Variants in USP31 observed in about 807,000 individuals in gnomAD.
USP31 encodes ubiquitin carboxyl-terminal hydrolase 31.
Under a neutral mutation model 119.4 loss-of-function variants are expected in USP31, and 44 were observed. The observed-to-expected ratio is 0.37, with a 90% CI of 0.29 to 0.47. The LOEUF is 0.47. Among genes scored for constraint, USP31 ranks in the 20% least tolerant of loss-of-function variants. The pLI is 0.99. For missense variants in USP31, 1,643 were observed against 1,730.2 expected, an observed-to-expected ratio of 0.95 and a Z score of 0.89; for synonymous variants, 749 against 705.6, an observed-to-expected ratio of 1.06 and a Z score of -0.97.
At chr16:23,117,761 T>C (rs1902540204) in intron 1 of USP31, among the ~76,000 whole-genome samples, 1 of 92,244 alleles carries the variant, frequency 1.1e-5, no homozygotes. Context: ...CTTTTTTTTT[T>C]TGTTGTTGTT....
At chr16:23,100,451 T>C (rs947852581) in intron 6 of USP31, among the ~76,000 whole-genome samples, 7 of 152,150 alleles carry the variant, frequency 4.6e-5, no homozygotes, top group Non-Finnish European at 8.8e-5. Flanking sequence ...TATAGAAGTC[T>C]AGACTAGGGA....
intron 6 of USP31, among the ~76,000 whole-genome samples, chr16:23,098,338 G>T (rs2141862885): frequency 6.6e-6 from 1 of 152,240 alleles, no homozygotes; most frequent in Admixed American, 6.5e-5. Context: ...ACAAACAAAT[G>T]GAAGAACATT....
intron 6 of USP31, among the ~76,000 whole-genome samples, chr16:23,091,890 G>A (rs1243060636): frequency 6.6e-6 from 1 of 152,190 alleles, no homozygotes; most frequent in Non-Finnish European, 1.5e-5. Context: ...TTAAACTCTG[G>A]TATGAGAAAA....
intron 1 of USP31, among the ~76,000 whole-genome samples, chr16:23,108,763 T>C (rs1355100621): frequency 6.6e-6 from 1 of 152,226 alleles, no homozygotes; most frequent in Non-Finnish European, 1.5e-5. Flanking sequence ...CTTTTTTTCC[T>C]TCTCACTTTT....
intron 1 of USP31, among the ~76,000 whole-genome samples, chr16:23,119,008 T>C (rs1040326003): frequency 6.6e-6 from 1 of 151,940 alleles, no homozygotes; most frequent in Non-Finnish European, 1.5e-5. Context: ...AAATTCACCC[T>C]TAGGAAATTC....
At chr16:23,079,294 T>A (rs1359635800) in intron 13 of USP31, 1 of 152,240 alleles carries the variant, frequency 6.6e-6, no homozygotes, top group Admixed American at 6.5e-5. Flanking sequence ...GATGATGGTA[T>A]TCTTTCCACC....
chr16:23,076,749 T>C (rs1301158246), intron 13 of USP31, among the ~76,000 whole-genome samples: 2 of 152,230 alleles, frequency 1.3e-5, no homozygotes, highest in East Asian at 3.8e-4. Flanking sequence ...AGCCAGTCCA[T>C]ATTTTCTTGA....
Position 23,063,034 on chromosome 16 carries a change from C to T in USP31, c.*5012G>A. 6.6e-6 allele frequency: 1 copy of T among 152,390 alleles called. No homozygotes were observed. Among genetic ancestry groups the T allele is most frequent in the Middle Eastern group, 3.2e-3 (1 of 316 alleles). The allele number at this position is 152,390 out of a possible 1,614,324, so 9.4% of individuals were successfully genotyped here. On this transcript the variant is annotated 3_prime_UTR_variant, in exon 16 of 16. Coordinates refer to ENST00000219689, the MANE Select transcript of USP31 (RefSeq NM_020718.4). ...ACATGGTAATTCCTGGATCCCACCC[C>T]TACATGAATTAGATCAAAAGCTAGG... is the stretch of plus-strand genomic sequence containing the variant.
intron 13 of USP31, 108 bp downstream of exon 13, chr16:23,079,838 A>C: frequency 9.5e-7 from 1 of 1,050,374 alleles, no homozygotes; most frequent in Non-Finnish European, 1.3e-6. Flanking sequence ...CAGTTGGCAC[A>C]CTGCCTACCG....
At chr16:23,125,594 T>C (rs1427149097) in intron 1 of USP31, among the ~76,000 whole-genome samples, 1 of 152,228 alleles carries the variant, frequency 6.6e-6, no homozygotes, top group Non-Finnish European at 1.5e-5. Context: ...CATTAACTAG[T>C]AGATATTTTC....
chr16:23,107,450 G>C (rs1428159082), intron 2 of USP31, among the ~76,000 whole-genome samples: 1 of 152,120 alleles, frequency 6.6e-6, no homozygotes, highest in African/African-American at 2.4e-5. Flanking sequence ...ACCAAACTTA[G>C]AAATTTAAAA....
At chr16:23,100,430 T>C (rs1901798864) in intron 6 of USP31, among the ~76,000 whole-genome samples, 1 of 152,224 alleles carries the variant, frequency 6.6e-6, no homozygotes, top group African/African-American at 2.4e-5. Flanking sequence ...TGTATTTTAT[T>C]ATTCCATTTA....
At chr16:23,114,541 T>C (rs1414502494) in intron 1 of USP31, among the ~76,000 whole-genome samples, 1 of 152,068 alleles carries the variant, frequency 6.6e-6, no homozygotes, top group African/African-American at 2.4e-5. Flanking sequence ...AAAGCAGATA[T>C]TTTATACACA....
In USP31 at chr16:23,082,831, C is replaced by CTT. The variant is rs71151692; in HGVS notation, c.1831-276_1831-275dup. Among the ~76,000 whole-genome samples, 98 of 129,308 alleles carry CTT rather than the reference C, an allele frequency of 7.6e-4. 1 individual carries two copies. The highest frequency in any genetic ancestry group is 4.1e-3 in the Middle Eastern group (1 of 242). The allele number at this position is 129,308 out of a possible 152,430, so 84.8% of individuals were successfully genotyped here. On this transcript the variant is annotated intron_variant, in intron 11 of 15. Transcript: ENST00000219689. ...TAAATATGTTACTTTCTTTCTCTCTCTTTTTTTTTTTTTTTTTGAAACAGA... is the reference window on the plus strand; with the variant it reads ...TAAATATGTTACTTTCTTTCTCTCTCTTTTTTTTTTTTTTTTTTTGAAACAGA...
At chr16:23,122,876 G>A (rs930947219) in intron 1 of USP31, among the ~76,000 whole-genome samples, 2 of 152,156 alleles carry the variant, frequency 1.3e-5, no homozygotes, top group African/African-American at 4.8e-5. Flanking sequence ...TGTGATAAAT[G>A]TTTGCACAAC....
chr16:23,144,274 T>C (rs1387596302), intron 1 of USP31, among the ~76,000 whole-genome samples: 5 of 152,198 alleles, frequency 3.3e-5, no homozygotes, highest in Non-Finnish European at 5.9e-5. Flanking sequence ...TATCTCAAGA[T>C]GGCAAATTGG....
At position 23,068,117 on chromosome 16, in the gene USP31, C is replaced by A; in HGVS notation, c.3988G>T (p.Ala1330Ser). The change falls in exon 16 of 16, where the codon GCA (alanine) becomes TCA (serine). Residue 1330 changes from alanine (A) to serine (S), a missense_variant. Physicochemically the swap from Ala to Ser is moderately conservative, Grantham distance 99. Coordinates refer to ENST00000219689, the MANE Select transcript of USP31 (RefSeq NM_020718.4). Reference protein sequence around the residue: ...VPSSPGGRQSAEKSSKKLSSS... With the variant: ...VPSSPGGRQSSEKSSKKLSSS... ...GATAACTTTTTTGAGGATTTCTCTG[C>A]AGACTGCCTGCCACCCGGAGACGAG... 6.2e-7 allele frequency: 1 copy of A among 1,614,188 alleles called. No individual in the cohort carries two copies. Among genetic ancestry groups the A allele is most frequent in the Non-Finnish European group, 8.5e-7 (1 of 1,180,042 alleles).
chr16:23,099,848 G>C (rs1389988061), intron 6 of USP31, among the ~76,000 whole-genome samples: 2 of 151,994 alleles, frequency 1.3e-5, no homozygotes, highest in African/African-American at 4.8e-5. Context: ...AGCAAACAAT[G>C]CAATTTTAAG....
rs753532286 is a variant in USP31 at position 23,148,898 on chromosome 16, G to C, written c.373C>G (p.Pro125Ala). The C allele has an allele frequency of 2.9e-5, 41 of 1,435,774 alleles. No homozygotes were observed. Among genetic ancestry groups the C allele is most frequent in the Non-Finnish European group, 3.8e-5 (41 of 1,086,422 alleles). The allele number at this position is 1,435,774 out of a possible 1,614,324, so 88.9% of individuals were successfully genotyped here. A position where few individuals can be genotyped will look rare whatever the true frequency, so the allele number is the denominator to read the frequency against. The change falls in exon 1 of 16, where the codon CCC (proline) becomes GCC (alanine). Residue 125 changes from proline (P) to alanine (A), a missense_variant. Physicochemically the swap from Pro to Ala is conservative, Grantham distance 27. Around this residue, in one of 5 missense-constraint regions of USP31, gnomAD observed 302 missense variants for 262.6 expected, o/e 1.15. Transcript: ENST00000219689. ...TGGTTGCGGAGCCCCGCCACGCCGGGCACCGGCTCGGCGGCGCAAGCGGGC... is the reference window on the plus strand; with the variant it reads ...TGGTTGCGGAGCCCCGCCACGCCGGCCACCGGCTCGGCGGCGCAAGCGGGC... ...APPACAAEPV[P>A]GVAGLRNHGN...
Sources: gnomAD v4.1 joint callset for allele counts (sites outside exome capture counted in the v4.1 genomes callset) on GRCh38, gnomAD v4.1.1 for gene constraint, gnomAD v4.1.1 regional missense constraint, MANE v1.5 for transcripts, NCBI Gene and HGNC (gene_info 2026-07-23, HGNC 2026-07-21) for gene names.